LTBP3: variants seen among roughly 807,000 people sequenced by gnomAD.
The protein encoded by LTBP3 is latent transforming growth factor beta binding protein 3.
In LTBP3, 97 loss-of-function variants were observed where a neutral mutation model predicts 159.7. That is an observed-to-expected ratio of 0.61 (90% CI 0.52 to 0.72). The LOEUF (loss-of-function observed/expected upper bound fraction) is 0.72, where lower values mean the gene tolerates loss of function less well. Ranked by LOEUF, LTBP3 falls within the 30% of genes least tolerant of loss-of-function variation. LTBP3 has a pLI of 0.00. For synonymous variants in LTBP3, 824 were observed against 777.1 expected (o/e 1.06, Z -1.00); for missense variants, 1,584 against 1,864.3 (o/e 0.85, Z 2.77).
intron 21 of LTBP3, 116 bp from the exon 22 acceptor site, chr11:65,540,730 C>CCTACAGGAGGGGCGGGGA (rs2135123610): frequency 6.5e-7 from 1 of 1,537,010 alleles, no homozygotes; most frequent in Admixed American, 1.7e-5. Context: ...AGGGGCGGGG[C>CCTACAGGAGGGGCGGGGA]CTACAGGGCG....
At chr11:65,539,679 C>A (rs765045821) in intron 25 of LTBP3, 41 bp downstream of exon 25, 2 of 1,578,864 alleles carry the variant, frequency 1.3e-6, no homozygotes, top group Admixed American at 1.8e-5. Flanking sequence ...GGCCCTGGCC[C>A]CCATCCTCGC....
chr11:65,548,459 C>T (rs1856474496), intron 11 of LTBP3: 3 of 367,148 alleles, frequency 8.2e-6, no homozygotes, highest in Non-Finnish European at 1.5e-5. Flanking sequence ...GTCCTCTAGC[C>T]CAGTGACTCC....
intron 8 of LTBP3, 39 bp downstream of exon 8, chr11:65,551,932 GC>G: frequency 1.2e-6 from 2 of 1,601,698 alleles, no homozygotes; most frequent in Non-Finnish European, 1.7e-6. Flanking sequence ...AGGCCTAGGG[GC>G]TTGGCATGGG....
At chr11:65,551,325 G>A (rs886943410) in intron 10 of LTBP3, 77 bp downstream of exon 10, 22 of 1,562,188 alleles carry the variant, frequency 1.4e-5, no homozygotes, top group Admixed American at 7.2e-5. Context: ...GACTGTCCCC[G>A]AGTACTTAAA....
Position 65,541,306 on chromosome 11 carries a change from C to T in LTBP3, c.2726-13G>A, listed in dbSNP as rs59666890. ...GGCTGCTCCACCTCTGAGGGGCAGA[C>T]GGCAGCTCAGGGTTGTGCACAGACC... On this transcript the variant is annotated splice_polypyrimidine_tract_variant and intron_variant, in intron 19 of 27. Transcript: ENST00000301873. The T allele has an allele frequency of 2.6e-4, 421 of 1,608,218 alleles. 1 individual carries two copies. In the East Asian group the frequency reaches 7.5e-3, roughly 29 times the overall value.
Position 65,540,058 on chromosome 11 carries a change from G to A in LTBP3, c.3340C>T (p.Pro1114Ser), listed in dbSNP as rs1856016862. 1 of 1,521,270 alleles carries A rather than the reference G, an allele frequency of 6.6e-7. No individual in the cohort carries two copies. Among genetic ancestry groups the A allele is most frequent in the Non-Finnish European group, 8.8e-7 (1 of 1,140,018 alleles). The allele number at this position is 1,521,270 out of a possible 1,614,324, so 94.2% of individuals were successfully genotyped here. A position where few individuals can be genotyped will look rare whatever the true frequency, so the allele number is the denominator to read the frequency against. ...TGGCAATCGCGGCCGGAGGGCCCGGGCACCCAGGGCGGGCGACACTCGCAG... is the reference window on the plus strand; with the variant it reads ...TGGCAATCGCGGCCGGAGGGCCCGGACACCCAGGGCGGGCGACACTCGCAG... ...YRCECRPPWV[P>S]GPSGRDCQLP... The change falls in exon 24 of 28, where the codon CCC becomes TCC. Residue 1114 changes from proline to serine, a missense_variant. Around this residue, in one of 6 missense-constraint regions of LTBP3, gnomAD observed 514 missense variants for 530.3 expected, o/e 0.97. Transcript: ENST00000301873.
At position 65,541,736 on chromosome 11, in the gene LTBP3, G is replaced by A. The variant is rs977064546; in HGVS notation, c.2597-8C>T. The A allele has an allele frequency of 1.2e-6, 2 of 1,613,930 alleles. No individual in the cohort carries two copies. Among genetic ancestry groups the A allele is most frequent in the South Asian group, 2.2e-5 (2 of 91,070 alleles). On this transcript the variant is annotated splice_region_variant and splice_polypyrimidine_tract_variant and intron_variant, in intron 18 of 27. Coordinates refer to ENST00000301873, the MANE Select transcript of LTBP3 (RefSeq NM_001130144.3). Reference sequence around the variant, plus strand: ...GGCTGCACTCATCTATGTCTGCGGGGCAAGAGTAGCGCAGCTGGAAACCCA... The same window carrying A: ...GGCTGCACTCATCTATGTCTGCGGGACAAGAGTAGCGCAGCTGGAAACCCA...
chr11:65,538,743 C>T lies in LTBP3; in HGVS notation c.*337G>A. ...GCTCAGTCTAGCCCCTGGGAGGCGG[C>T]TGGGGTCTGGCGCCGCCCTGCGCAG... On this transcript the variant is annotated 3_prime_UTR_variant, in exon 28 of 28. Coordinates refer to ENST00000301873, the MANE Select transcript of LTBP3 (RefSeq NM_001130144.3). 1.0e-6 allele frequency: 1 copy of T among 995,614 alleles called. No individual in the cohort carries two copies. Among genetic ancestry groups the T allele is most frequent in the Non-Finnish European group, 1.4e-6 (1 of 700,726 alleles). The allele number at this position is 995,614 out of a possible 1,614,324, so 61.7% of individuals were successfully genotyped here.
At position 65,546,596 on chromosome 11, in the gene LTBP3, C is replaced by T; in HGVS notation, c.2231-32G>A. On this transcript the variant is annotated intron_variant, in intron 15 of 27. Transcript: ENST00000301873. This position sits in a 1 kb window ranked among gnomAD's most constrained non-coding sequence, Gnocchi z 4.0. ...CGGAAAGACCTAGCCTCGGACTCTG[C>T]CCCACCGGAAGGCGGACCGCGCACC... 2 of 1,599,278 alleles carry T rather than the reference C, an allele frequency of 1.3e-6. No individual in the cohort carries two copies. Among genetic ancestry groups the T allele is most frequent in the Non-Finnish European group, 1.7e-6 (2 of 1,179,168 alleles).
At chr11:65,551,521 CCCT>C (rs1565098861) in intron 9 of LTBP3, 24 bp downstream of exon 9, 11 of 1,614,048 alleles carry the variant, frequency 6.8e-6, no homozygotes, top group Non-Finnish European at 9.3e-6. Flanking sequence ...GCCTGCCCAC[CCCT>C]CCCATCTGGG....
In LTBP3 at chr11:65,540,019, G is replaced by A. The variant is rs1314024040; in HGVS notation, c.3379C>T (p.Pro1127Ser). The part of the protein sequence containing the change: ...SGRDCQLPES[P>S]AERAPERRDV... ...GGCCAACCCTCGCCCTCACCGGCCG[G>A]GCTCTCGGGGAGCTGGCAATCGCGG... is the stretch of plus-strand genomic sequence containing the variant. The change falls in exon 24 of 28, where the codon CCG (proline) becomes TCG (serine). Residue 1127 changes from proline (P) to serine (S), a missense_variant. Around this residue, in one of 6 missense-constraint regions of LTBP3, gnomAD observed 514 missense variants for 530.3 expected, o/e 0.97. Transcript: ENST00000301873. 6.7e-6 allele frequency: 10 copies of A among 1,500,966 alleles called. No individual in the cohort carries two copies. Among genetic ancestry groups the A allele is most frequent in the Non-Finnish European group, 8.8e-6 (10 of 1,130,644 alleles). 93.0% of individuals were successfully genotyped at this position (1,500,966 alleles called of 1,614,324 possible).
At position 65,553,526 on chromosome 11, in the gene LTBP3, C is replaced by T; in HGVS notation, c.869G>A (p.Gly290Asp). The T allele has an allele frequency of 6.2e-7, 1 of 1,603,744 alleles. No homozygotes were observed. The highest frequency in any genetic ancestry group is 8.5e-7 in the Non-Finnish European group (1 of 1,172,440). Residue 290 changes from glycine (G) to aspartate (D), a missense_variant, in exon 4 of 28, where the codon GGC becomes GAC. By Grantham distance (94) the Gly-to-Asp change is moderately conservative. Transcript: ENST00000301873. This position sits in a 1 kb window ranked among gnomAD's most constrained non-coding sequence, Gnocchi z 6.5. Reference sequence around the variant, plus strand: ...GGTGAGGCCGGGGAGGGGGTTGCTGCCACACTAGGGGAAGGAGGGGGAGGT... The same window carrying T: ...GGTGAGGCCGGGGAGGGGGTTGCTGTCACACTAGGGGAAGGAGGGGGAGGT... ...FQDTLPKQPCGSNPLPGLTKQ... is the reference protein window; with the variant it reads ...FQDTLPKQPCDSNPLPGLTKQ...
At position 65,540,414 on chromosome 11, in the gene LTBP3, C is replaced by T. The variant is rs777671837; in HGVS notation, c.3107-32G>A. On this transcript the variant is annotated intron_variant, in intron 22 of 27. Coordinates refer to ENST00000301873, the MANE Select transcript of LTBP3 (RefSeq NM_001130144.3). ...GGAGGAAAAGCGTGGGTAGCAGGGG[C>T]AGGCCCGGGATGGGCGCGGTGGCGC... 38 of 1,607,084 alleles carry T rather than the reference C, an allele frequency of 2.4e-5. No individual in the cohort carries two copies. In the Admixed American group the frequency reaches 5.8e-4, roughly 25 times the overall value.
At chr11:65,550,801 C>A (rs1027131186) in intron 11 of LTBP3, among the ~76,000 whole-genome samples, 2 of 151,914 alleles carry the variant, frequency 1.3e-5, no homozygotes. Context: ...TCCCGCCTGG[C>A]GACAGAGCAA....
intron 11 of LTBP3, chr11:65,548,302 T>C (rs574351160): frequency 1.6e-6 from 1 of 619,242 alleles, no homozygotes; most frequent in African/African-American, 1.8e-5. Flanking sequence ...CCCGGTTCAC[T>C]CCAAGACCCT....
chr11:65,556,246 G>A (rs930471430), intron 1 of LTBP3, among the ~76,000 whole-genome samples: 2 of 152,152 alleles, frequency 1.3e-5, no homozygotes, highest in Non-Finnish European at 2.9e-5. Flanking sequence ...CCATACATTT[G>A]GCCGGGCGCA....
chr11:65,558,125 C>T lies in LTBP3; in HGVS notation c.-166G>A, dbSNP rs1487364034. ...GACCGCGGGGGCCCGGCGGGAGGCG[C>T]GGAGATGCAGACTGGACAGCGGGGA... is the stretch of plus-strand genomic sequence containing the variant. On this transcript the variant is annotated 5_prime_UTR_variant, in exon 1 of 28. Transcript: ENST00000301873. 9.3e-7 allele frequency: 1 copy of T among 1,080,856 alleles called. No individual in the cohort carries two copies. The highest frequency in any genetic ancestry group is 1.1e-6 in the Non-Finnish European group (1 of 890,584). 67.0% of individuals were successfully genotyped at this position (1,080,856 alleles called of 1,614,324 possible). A position where few individuals can be genotyped will look rare whatever the true frequency, so the allele number is the denominator to read the frequency against.
chr11:65,542,842 A>T, intron 18 of LTBP3: 1 of 488,956 alleles, frequency 2.0e-6, no homozygotes, highest in Non-Finnish European at 3.8e-6. Context: ...GTTTACTGTG[A>T]TCATTGTTAT....
At position 65,546,832 on chromosome 11, in the gene LTBP3, A is replaced by T. The variant is rs1051002845; in HGVS notation, c.2196T>A (p.Pro732=). The T allele has an allele frequency of 6.2e-7, 1 of 1,607,306 alleles. No homozygotes were observed. The highest frequency in any genetic ancestry group is 1.1e-5 in the South Asian group (1 of 90,992). ...PGSFKCIACQ[P]GYRSQGGGAC... ...CCCCGCCCCCCTGGCTGCGGTAGCC[A>T]GGCTGACAGGCGATGCACTTGAAGC... Residue 732 remains proline (P), a synonymous_variant, in exon 15 of 28, where the codon CCT becomes CCA. Transcript: ENST00000301873. The surrounding 1 kb of genome is among the most constrained non-coding windows in gnomAD (Gnocchi z 4.0).
Sources: gnomAD v4.1 joint callset for allele counts (sites outside exome capture counted in the v4.1 genomes callset) on GRCh38, gnomAD v4.1.1 for gene constraint, gnomAD v4.1.1 regional missense constraint, Gnocchi (gnomAD v3.1) non-coding constraint, MANE v1.5 for transcripts, NCBI Gene and HGNC (gene_info 2026-07-23, HGNC 2026-07-21) for gene names.